The following LRRC1 variants were observed in gnomAD, a reference collection of about 807,000 sequenced individuals.
LRRC1 encodes leucine rich repeat containing 1, also known as leucine-rich repeat-containing protein 1.
Under a neutral mutation model 69.9 loss-of-function variants are expected in LRRC1, and 28 were observed. The observed-to-expected ratio is 0.40, with a 90% CI of 0.30 to 0.55. The LOEUF (loss-of-function observed/expected upper bound fraction) is 0.55. Ranked by LOEUF, LRRC1 falls within the 20% of genes least tolerant of loss-of-function variation. LRRC1 has a pLI of 0.47. For synonymous variants in LRRC1, 236 were observed against 240.2 expected (o/e 0.98, Z 0.16); for missense variants, 498 against 609.0 (o/e 0.82, Z 1.92).
chr6:53,830,402 A>C (rs888900394), intron 1 of LRRC1, among the ~76,000 whole-genome samples: 5 of 152,214 alleles, frequency 3.3e-5, no homozygotes, highest in African/African-American at 9.6e-5. Flanking sequence ...CTTGTTCCTT[A>C]AACAGTAGGG....
chr6:53,897,501 A>C (rs1489321647), intron 7 of LRRC1, 142 bp downstream of exon 7: 3 of 586,326 alleles, frequency 5.1e-6, no homozygotes, highest in Non-Finnish European at 6.0e-6. Flanking sequence ...TTTGGAAAAA[A>C]CATATTGAGC....
At chr6:53,872,010 A>G (rs1766901858) in intron 2 of LRRC1, among the ~76,000 whole-genome samples, 1 of 152,070 alleles carries the variant, frequency 6.6e-6, no homozygotes, top group South Asian at 2.1e-4. Flanking sequence ...GTCTTGTCCA[A>G]AGAAATCCTT....
At chr6:53,846,647 C>T (rs1366427890) in intron 2 of LRRC1, among the ~76,000 whole-genome samples, 4 of 152,130 alleles carry the variant, frequency 2.6e-5, no homozygotes, top group African/African-American at 9.7e-5. Flanking sequence ...CTAGGTGTTT[C>T]CCCTGAACAT....
At chr6:53,904,035 T>C (rs933304972) in intron 9 of LRRC1, among the ~76,000 whole-genome samples, 9 of 152,246 alleles carry the variant, frequency 5.9e-5, no homozygotes, top group Non-Finnish European at 1.2e-4. Flanking sequence ...TGTCCCAGTG[T>C]GGTCCTTGAA....
chr6:53,854,791 T>A (rs1282211626), intron 2 of LRRC1, among the ~76,000 whole-genome samples: 1 of 152,254 alleles, frequency 6.6e-6, no homozygotes, highest in Non-Finnish European at 1.5e-5. Context: ...AAAATTGGGA[T>A]CATTTAACAA....
rs754364263 is a variant in LRRC1, at chr6:53,853,528, A to AGGTTAT, written c.277+11301_277+11302insGGTTAT. 3.2e-4 allele frequency among the ~76,000 whole-genome samples: 49 copies of AGGTTAT among 151,952 alleles called. 1 individual carries two copies. The South Asian group carries it at 5.8e-3, about 18-fold the overall frequency. ...TTCAACTCCTGACCTCAGGTTATCC[A>AGGTTAT]CCTGCCTTGGCCTCCCAAAGTGCTG... On this transcript the variant is annotated intron_variant, in intron 2 of 13. Coordinates refer to ENST00000370888, the MANE Select transcript of LRRC1 (RefSeq NM_018214.5).
intron 2 of LRRC1, among the ~76,000 whole-genome samples, chr6:53,866,134 T>C (rs1457380600): frequency 1.3e-5 from 2 of 152,058 alleles, no homozygotes; most frequent in African/African-American, 4.8e-5. Context: ...TACCAGTTGG[T>C]ATGAAAAGTG....
At chr6:53,809,543 T>C (rs983806051) in intron 1 of LRRC1, among the ~76,000 whole-genome samples, 2 of 152,242 alleles carry the variant, frequency 1.3e-5, no homozygotes, top group Admixed American at 1.3e-4. Context: ...ACTTACTGTT[T>C]AAAAGGAAAT....
intron 1 of LRRC1, among the ~76,000 whole-genome samples, chr6:53,818,199 C>T (rs982707009): frequency 6.6e-6 from 1 of 152,180 alleles, no homozygotes; most frequent in Non-Finnish European, 1.5e-5. Flanking sequence ...TTTAAAAAAT[C>T]TACCTTTGGG....
chr6:53,883,115 A>G (rs1435058246), intron 4 of LRRC1, 139 bp downstream of exon 4: 1 of 597,124 alleles, frequency 1.7e-6, no homozygotes, highest in African/African-American at 2.0e-5. Context: ...CCTTCAAGAA[A>G]GATTATAGCC....
intron 2 of LRRC1, among the ~76,000 whole-genome samples, chr6:53,847,477 G>GA (rs1562041627): frequency 6.6e-6 from 1 of 152,086 alleles, no homozygotes; most frequent in Non-Finnish European, 1.5e-5. Context: ...ACTGCAGATA[G>GA]AAAAAAACAT....
At chr6:53,852,175 A>T (rs1394663954) in intron 2 of LRRC1, among the ~76,000 whole-genome samples, 1 of 152,198 alleles carries the variant, frequency 6.6e-6, no homozygotes, top group African/African-American at 2.4e-5. Flanking sequence ...CTCTTAAAAG[A>T]GGCTGTGCAT....
chr6:53,864,212 C>T (rs1410330598), intron 2 of LRRC1, among the ~76,000 whole-genome samples: 1 of 152,126 alleles, frequency 6.6e-6, no homozygotes, highest in East Asian at 1.9e-4. Flanking sequence ...CAGTTCTCTT[C>T]CCCTCTGCCT....
In LRRC1 at chr6:53,842,134, C is replaced by T. The variant is rs1350654180; in HGVS notation, c.184C>T (p.Arg62Ter). 3.7e-6 allele frequency: 6 copies of T among 1,612,466 alleles called. No homozygotes were observed. The highest frequency in any genetic ancestry group is 1.1e-5 in the South Asian group (1 of 90,782). Residue 62 changes from arginine (R) to a stop codon, truncating the protein, a stop_gained, in exon 2 of 14, where the codon CGA becomes TGA. Coordinates refer to ENST00000370888, the MANE Select transcript of LRRC1 (RefSeq NM_018214.5). LOFTEE classifies it high-confidence loss of function. ...PEQFFQLVKL[R>*]KLGLSDNEIQ... ...GCAATTTTTCCAGCTAGTCAAATTA[C>T]GAAAGCTTGGACTTAGTGATAATGA...
At chr6:53,878,965 AT>A (rs1562056533) in intron 2 of LRRC1, 27 bp from the exon 3 acceptor site, 1 of 1,467,510 alleles carries the variant, frequency 6.8e-7, no homozygotes, top group South Asian at 1.2e-5. Flanking sequence ...ATGGTGGCAA[AT>A]TATAGACATT....
chr6:53,800,247 C>CTTTTTTTTTTT (rs55960000), intron 1 of LRRC1, among the ~76,000 whole-genome samples: 2 of 89,552 alleles, frequency 2.2e-5, no homozygotes, highest in African/African-American at 4.4e-5. Context: ...GTTTCTTTTT[C>CTTTTTTTTTTT]TTTTTTTTTT....
At chr6:53,909,609 GAAA>G (rs113333784) in intron 10 of LRRC1, among the ~76,000 whole-genome samples, 1 of 134,472 alleles carries the variant, frequency 7.4e-6, no homozygotes, top group Non-Finnish European at 1.6e-5. Flanking sequence ...TTTATAATCA[GAAA>G]AAAAAAAAAG....
At chr6:53,880,242 G>A (rs535732341) in intron 3 of LRRC1, among the ~76,000 whole-genome samples, 1 of 152,122 alleles carries the variant, frequency 6.6e-6, no homozygotes, top group East Asian at 1.9e-4. Context: ...GAATTGTAGT[G>A]ATTAAGTTGC....
At chr6:53,863,455 CTCT>C (rs1467943349) in intron 2 of LRRC1, among the ~76,000 whole-genome samples, 4 of 152,226 alleles carry the variant, frequency 2.6e-5, no homozygotes, top group Non-Finnish European at 4.4e-5. Context: ...CGCTCCCGGG[CTCT>C]TCTTCATCTC....
Sources: gnomAD v4.1 joint callset for allele counts (sites outside exome capture counted in the v4.1 genomes callset) on GRCh38, gnomAD v4.1.1 for gene constraint, MANE v1.5 for transcripts, NCBI Gene and HGNC (gene_info 2026-07-23, HGNC 2026-07-21) for gene names.